Variants in ADD3 observed in about 807,000 individuals in gnomAD.
ADD3 encodes gamma-adducin.
A neutral mutation model predicts 80.2 loss-of-function variants in ADD3; 25 were observed. The ratio of observed to expected loss-of-function variants is 0.31; its 90% CI spans 0.23 to 0.44. The LOEUF is 0.44. ADD3 is among the 20% of genes least tolerant of loss of function. ADD3 has a pLI of 1.00. For missense variants in ADD3, 829 were observed against 847.5 expected (o/e 0.98, Z 0.27); for synonymous variants, 284 against 289.6 (o/e 0.98, Z 0.20).
At chr10:110,062,017 A>G (rs1333134755) in intron 1 of ADD3, among the ~76,000 whole-genome samples, 5 of 151,944 alleles carry the variant, frequency 3.3e-5, no homozygotes, top group African/African-American at 1.2e-4. Context: ...ACTTGAGCCC[A>G]GAAATTCGAG....
intron 1 of ADD3, among the ~76,000 whole-genome samples, chr10:110,023,244 A>G (rs12244568): frequency 0.017 from 2,588 of 152,300 alleles, 71 homozygotes; most frequent in African/African-American, 0.055. Flanking sequence ...CTTATAAAAG[A>G]GACCTCAGAG....
intron 1 of ADD3, among the ~76,000 whole-genome samples, chr10:110,078,509 G>T (rs565623314): frequency 8.5e-5 from 13 of 152,306 alleles, no homozygotes; most frequent in African/African-American, 3.1e-4. Context: ...AGTAGAACTA[G>T]CTATATAAAT....
chr10:110,077,547 AAAAG>A (rs2133721021), intron 1 of ADD3, among the ~76,000 whole-genome samples: 1 of 152,298 alleles, frequency 6.6e-6, no homozygotes, highest in African/African-American at 2.4e-5. Context: ...TGAATTAAAA[AAAAG>A]GCAGCTTCTA....
intron 1 of ADD3, among the ~76,000 whole-genome samples, chr10:110,050,987 T>C (rs907460281): frequency 2.6e-5 from 4 of 152,212 alleles, no homozygotes; most frequent in African/African-American, 9.7e-5. Context: ...AAAATTAATA[T>C]TGTCCCAGAA....
At position 110,094,085 on chromosome 10, in the gene ADD3, A is replaced by T. The variant is rs117900878; in HGVS notation, c.-29-6540A>T. ...CATTATACAACTACCCCACTTGTAC[A>T]TCTATTTTTCTGTGCATGCTAGGCA... On this transcript the variant is annotated intron_variant, in intron 1 of 14. Transcript: ENST00000356080. 1.5e-3 allele frequency among the ~76,000 whole-genome samples: 235 copies of T among 152,300 alleles called. 2 individuals are homozygous for T. In the East Asian group the frequency reaches 0.041, roughly 27 times the overall value.
chr10:110,063,627 T>A (rs1285524646), intron 1 of ADD3, among the ~76,000 whole-genome samples: 1 of 150,482 alleles, frequency 6.6e-6, no homozygotes, highest in Non-Finnish European at 1.5e-5. Flanking sequence ...TTCTTTCTTT[T>A]AAATCACTTA....
chr10:110,029,465 T>A (rs1820341662), intron 1 of ADD3, among the ~76,000 whole-genome samples: 1 of 152,236 alleles, frequency 6.6e-6, no homozygotes, highest in South Asian at 2.1e-4. Flanking sequence ...CTGAATCTGT[T>A]AAGGAGAAGT....
At chr10:110,026,366 C>G (rs1247567471) in intron 1 of ADD3, among the ~76,000 whole-genome samples, 1 of 151,056 alleles carries the variant, frequency 6.6e-6, no homozygotes, top group Non-Finnish European at 1.5e-5. Flanking sequence ...ACTGCAACCT[C>G]AGCCTCCCGG....
At chr10:110,016,382 A>T (rs947683136) in intron 1 of ADD3, 1 of 152,232 alleles carries the variant, frequency 6.6e-6, no homozygotes, top group Non-Finnish European at 1.5e-5. Flanking sequence ...ATGATGAAGA[A>T]CTAATTCAGT....
At chr10:110,009,176 A>T (rs190654740) in intron 1 of ADD3, among the ~76,000 whole-genome samples, 1 of 152,300 alleles carries the variant, frequency 6.6e-6, no homozygotes, top group East Asian at 1.9e-4. Flanking sequence ...AACCTGGTAG[A>T]GTGTTAAGGA....
At chr10:110,029,355 T>G (rs1464223769) in intron 1 of ADD3, among the ~76,000 whole-genome samples, 2 of 152,232 alleles carry the variant, frequency 1.3e-5, no homozygotes, top group South Asian at 4.1e-4. Context: ...AGCCACTTGG[T>G]GACTATACTT....
At chr10:110,101,059 G>C (rs2481108) in intron 2 of ADD3, among the ~76,000 whole-genome samples, 2,664 of 152,260 alleles carry the variant, frequency 0.017, 70 homozygotes, top group African/African-American at 0.059. Context: ...GTGTTTGGTG[G>C]TTTAAATTTT....
chr10:110,028,054 C>T (rs1848555055), intron 1 of ADD3, among the ~76,000 whole-genome samples: 1 of 152,108 alleles, frequency 6.6e-6, no homozygotes, highest in Non-Finnish European at 1.5e-5. Flanking sequence ...TTTTTATTTG[C>T]TTCATACATA....
upstream of ADD3, among the ~76,000 whole-genome samples, chr10:110,007,708 T>TA (rs1297800182): frequency 1.3e-5 from 2 of 152,118 alleles, no homozygotes; most frequent in East Asian, 1.9e-4. Context: ...TTCACGGACT[T>TA]AGAGCTTGAG....
At chr10:110,079,155 G>T (rs2133742295) in intron 1 of ADD3, 1 of 152,172 alleles carries the variant, frequency 6.6e-6, no homozygotes, top group Admixed American at 6.5e-5. Flanking sequence ...GGCTTTTCTA[G>T]AGAACTAGAT....
In ADD3 at chr10:110,116,373, T is replaced by C. The variant is rs373353824; in HGVS notation, c.449T>C (p.Leu150Ser). The change falls in exon 4 of 15, where the codon TTG becomes TCG. Residue 150 changes from leucine (L) to serine (S), a missense_variant. By Grantham distance (145) the Leu-to-Ser change is moderately radical (BLOSUM62 -2). Coordinates refer to ENST00000356080, the MANE Select transcript of ADD3 (RefSeq NM_016824.5). ...GCCAGCCTGTACAGACTTGTAGACT[T>C]GTTTGGATGGGCACACCTGGCAAAT... Reference protein sequence around the residue: ...KLASLYRLVDLFGWAHLANTY... With the variant: ...KLASLYRLVDSFGWAHLANTY... 2 of 1,614,028 alleles carry C rather than the reference T, an allele frequency of 1.2e-6. No individual in the cohort carries two copies. Among genetic ancestry groups the C allele is most frequent in the African/African-American group, 2.7e-5 (2 of 74,920 alleles).
In ADD3 at chr10:110,013,374, G is replaced by A. The variant is rs372158695; in HGVS notation, c.-30+5075G>A. Among the ~76,000 whole-genome samples the A allele has an allele frequency of 4.9e-4, 74 of 152,228 alleles. No homozygotes were observed. The Middle Eastern group carries it at 0.01, about 21-fold the overall frequency. ...CCGCTCGGCTACCCAAAGTGCTGGG[G>A]TTACAGGCGTGAGCCACTGCACTCG... On this transcript the variant is annotated intron_variant, in intron 1 of 14. Coordinates refer to ENST00000356080, the MANE Select transcript of ADD3 (RefSeq NM_016824.5).
intron 1 of ADD3, among the ~76,000 whole-genome samples, chr10:110,032,634 G>C (rs181532841): frequency 9.2e-5 from 14 of 152,276 alleles, no homozygotes; most frequent in African/African-American, 2.9e-4. Context: ...TTTCTGACTA[G>C]GTGGTGTGGA....
At chr10:110,125,422 T>C (rs527324080) in intron 10 of ADD3, among the ~76,000 whole-genome samples, 1 of 140,570 alleles carries the variant, frequency 7.1e-6, no homozygotes, top group African/African-American at 3.1e-5. Flanking sequence ...TCTTAAGATA[T>C]TTCTTAAGTT....
Sources: allele counts gnomAD v4.1 joint callset (sites outside exome capture counted in the v4.1 genomes callset), GRCh38; gene constraint gnomAD v4.1.1; transcripts MANE v1.5; gene names NCBI Gene and HGNC (gene_info 2026-07-23, HGNC 2026-07-21).